The following PREX1 variants were observed in gnomAD, a reference collection of about 807,000 sequenced individuals.
PREX1 encodes phosphatidylinositol-3,4,5-trisphosphate dependent Rac exchange factor 1, also known as phosphatidylinositol 3,4,5-trisphosphate-dependent Rac exchanger 1 protein.
In PREX1, 41 loss-of-function variants were observed where a neutral mutation model predicts 198.3. The observed-to-expected ratio is 0.21, with a 90% CI of 0.16 to 0.27. PREX1 has a LOEUF of 0.27. Ranked by LOEUF, PREX1 falls within the 10% of genes least tolerant of loss-of-function variation. PREX1 has a pLI of 1.00. For synonymous variants in PREX1, 843 were observed against 887.2 expected (o/e 0.95, Z 0.89); for missense variants, 1,620 against 2,200.7 (o/e 0.74, Z 5.28).
intron 3 of PREX1, among the ~76,000 whole-genome samples, chr20:48,741,271 A>C (rs1022101984): frequency 2.6e-5 from 4 of 152,202 alleles, no homozygotes; most frequent in Admixed American, 1.3e-4. Context: ...CACAGTCGTG[A>C]CCTTGAGCTT....
At position 48,625,919 on chromosome 20, in the gene PREX1, C is replaced by A; in HGVS notation, c.4946G>T (p.Arg1649Leu). The part of the protein sequence containing the change: ...QMPQGAPRLY[R>L]LCQPPVDGDL Reference sequence around the variant, plus strand: ...CCCATCCACCGGCGGCTGGCAGAGGCGGTAGAGGCTGGGGATGGAGGCAAA... The same window carrying A: ...CCCATCCACCGGCGGCTGGCAGAGGAGGTAGAGGCTGGGGATGGAGGCAAA... Residue 1649 changes from arginine (R) to leucine (L), a missense_variant, in exon 40 of 40, where the codon CGC becomes CTC. Physicochemically the swap from Arg to Leu is moderately radical, Grantham distance 102 (BLOSUM62 -2). Transcript: ENST00000371941. The A allele has an allele frequency of 6.4e-7, 1 of 1,560,216 alleles. No homozygotes were observed. The highest frequency in any genetic ancestry group is 8.7e-7 in the Non-Finnish European group (1 of 1,155,968).
intron 3 of PREX1, among the ~76,000 whole-genome samples, chr20:48,740,543 G>A (rs745891086): frequency 9.2e-5 from 14 of 152,190 alleles, no homozygotes; most frequent in Non-Finnish European, 1.9e-4. Flanking sequence ...CAGTGGCTGG[G>A]GTGGAGCCTC....
intron 15 of PREX1, among the ~76,000 whole-genome samples, chr20:48,661,823 G>A (rs1012722002): frequency 7.9e-5 from 12 of 151,884 alleles, no homozygotes; most frequent in African/African-American, 2.7e-4. Flanking sequence ...GGCCCTCATC[G>A]AGCCTCCTTC....
the PREX1 span, among the ~76,000 whole-genome samples, chr20:48,881,126 A>G: frequency 6.6e-6 from 1 of 152,082 alleles, no homozygotes; most frequent in African/African-American, 2.4e-5. Context: ...AAACAACATG[A>G]TTCTGGGACT....
At chr20:48,703,865 A>T in intron 6 of PREX1, among the ~76,000 whole-genome samples, 1 of 152,150 alleles carries the variant, frequency 6.6e-6, no homozygotes. Context: ...CGCACTCTTG[A>T]TCTCCCTGAA....
rs186268577 is a variant in PREX1, at chr20:48,801,217, G to A, written c.219+26425C>T. Among the ~76,000 whole-genome samples, 564 of 152,298 alleles carry A rather than the reference G, an allele frequency of 3.7e-3. 2 individuals are homozygous for A. The highest frequency in any genetic ancestry group is 6.1e-3 in the Non-Finnish European group (416 of 68,024). Reference sequence around the variant, plus strand: ...TAGTGTCTATGCCATCATAGGCAGCGTGGTCTTTTGTGGAAACCATGCGAG... The same window carrying A: ...TAGTGTCTATGCCATCATAGGCAGCATGGTCTTTTGTGGAAACCATGCGAG... On this transcript the variant is annotated intron_variant, in intron 1 of 39. Transcript: ENST00000371941.
At chr20:48,634,877 G>T in intron 32 of PREX1, 102 bp from the exon 33 acceptor site, 1 of 956,802 alleles carries the variant, frequency 1.0e-6, no homozygotes, top group Non-Finnish European at 1.6e-6. Flanking sequence ...TCCACACTGT[G>T]GGCCCCCTGG....
At chr20:48,734,397 A>G in intron 4 of PREX1, 149 bp downstream of exon 4, 1 of 711,532 alleles carries the variant, frequency 1.4e-6, no homozygotes, top group South Asian at 1.7e-5. Context: ...TTTATGGAAA[A>G]GGCTTGGCGA....
At chr20:48,880,388 T>A in the PREX1 span, among the ~76,000 whole-genome samples, 2 of 152,152 alleles carry the variant, frequency 1.3e-5, no homozygotes, top group African/African-American at 4.8e-5. Context: ...CTTACACAAA[T>A]GAAATCTAGA....
At chr20:48,781,726 C>T (rs955084814) in intron 1 of PREX1, among the ~76,000 whole-genome samples, 1 of 152,194 alleles carries the variant, frequency 6.6e-6, no homozygotes, top group Admixed American at 6.5e-5. Flanking sequence ...GGGACTCCCC[C>T]TTCCTCTTCT....
At chr20:48,886,678 T>G in the PREX1 span, among the ~76,000 whole-genome samples, 4 of 152,156 alleles carry the variant, frequency 2.6e-5, no homozygotes, top group Non-Finnish European at 4.4e-5. Flanking sequence ...AAGCAAACAT[T>G]TATATAGCAT....
At chr20:48,627,716 A>C (rs2089284035) in intron 38 of PREX1, 101 bp from the exon 39 acceptor site, 2 of 1,449,608 alleles carry the variant, frequency 1.4e-6, no homozygotes, top group Admixed American at 1.8e-5. Context: ...AAGGACCCAG[A>C]AGCTAAGATC....
chr20:48,694,161 C>T (rs933500724), intron 7 of PREX1, among the ~76,000 whole-genome samples: 2 of 152,162 alleles, frequency 1.3e-5, no homozygotes, highest in Admixed American at 6.5e-5. Flanking sequence ...ATCCACCCCC[C>T]TCGGCCTCCC....
chr20:48,739,973 G>A (rs1035365893), intron 3 of PREX1, among the ~76,000 whole-genome samples: 4 of 152,196 alleles, frequency 2.6e-5, no homozygotes, highest in Admixed American at 6.5e-5. Flanking sequence ...ATGTCCACTC[G>A]GTGCTAGTTT....
intron 16 of PREX1, among the ~76,000 whole-genome samples, chr20:48,659,269 CGAGAGAGA>C (rs141388612): frequency 1.1e-5 from 1 of 89,948 alleles, no homozygotes; most frequent in Non-Finnish European, 2.3e-5. Flanking sequence ...AGGACGGGCA[CGAGAGAGA>C]GAGAGAAAGA....
chr20:48,704,149 G>A (rs745527597), intron 6 of PREX1, among the ~76,000 whole-genome samples: 6 of 152,224 alleles, frequency 3.9e-5, no homozygotes, highest in Admixed American at 6.5e-5. Flanking sequence ...GGCACAGCGT[G>A]GTGAAGTGAC....
intron 1 of PREX1, among the ~76,000 whole-genome samples, chr20:48,809,001 G>A (rs1408252950): frequency 2.0e-5 from 3 of 152,194 alleles, no homozygotes; most frequent in Non-Finnish European, 2.9e-5. Context: ...GGTAGGTCAG[G>A]GAACCTTTCT....
At chr20:48,766,781 G>A (rs560882822) in intron 1 of PREX1, among the ~76,000 whole-genome samples, 26 of 152,282 alleles carry the variant, frequency 1.7e-4, no homozygotes, top group African/African-American at 5.8e-4. Context: ...CTTAGTCCCA[G>A]TTTCCATCTT....
intron 1 of PREX1, among the ~76,000 whole-genome samples, chr20:48,797,708 GA>G (rs1458917161): frequency 6.6e-6 from 1 of 152,194 alleles, no homozygotes; most frequent in Non-Finnish European, 1.5e-5. Context: ...CTGGCAAAGC[GA>G]GCTGCTCGTG....
Sources: allele counts gnomAD v4.1 joint callset (sites outside exome capture counted in the v4.1 genomes callset), GRCh38; gene constraint gnomAD v4.1.1; transcripts MANE v1.5; gene names NCBI Gene and HGNC (gene_info 2026-07-23, HGNC 2026-07-21).